Variants in ELFN1 observed in about 807,000 individuals in gnomAD.
ELFN1 encodes the protein extracellular leucine rich repeat and fibronectin type III domain containing 1, also known as protein ELFN1.
Under a neutral mutation model 7.6 loss-of-function variants are expected in ELFN1, and 6 were observed. The observed-to-expected ratio is 0.79, with a 90% CI of 0.43 to 1.56. The LOEUF (loss-of-function observed/expected upper bound fraction) is 1.56. ELFN1 is among the 40% of genes most tolerant of loss of function. The pLI is 0.01. For missense variants in ELFN1, 1,169 were observed against 1,232.2 expected (o/e 0.95, Z 0.77); for synonymous variants, 657 against 588.1 (o/e 1.12, Z -1.70).
chr7:1,724,613 G>A (rs888735130), intron 3 of ELFN1, among the ~76,000 whole-genome samples: 6 of 152,068 alleles, frequency 3.9e-5, no homozygotes, highest in East Asian at 3.9e-4. Flanking sequence ...ACCCCCACCC[G>A]GACCCCCTTT....
chr7:1,696,917 A>G (rs1779327106), intron 2 of ELFN1, among the ~76,000 whole-genome samples: 2 of 152,322 alleles, frequency 1.3e-5, no homozygotes, highest in South Asian at 2.1e-4. Context: ...AGGCATTAGG[A>G]AAACAACGAG....
chr7:1,727,555 C>T (rs1177973345), intron 3 of ELFN1, among the ~76,000 whole-genome samples: 2 of 152,134 alleles, frequency 1.3e-5, no homozygotes, highest in East Asian at 1.9e-4. Flanking sequence ...AGGGGCCTCC[C>T]TTCATTTCCT....
upstream of ELFN1, among the ~76,000 whole-genome samples, chr7:1,666,640 G>C (rs2128571127): frequency 6.6e-6 from 1 of 152,216 alleles, no homozygotes; most frequent in South Asian, 2.1e-4. This position sits in a 1 kb window ranked among gnomAD's most constrained non-coding sequence, Gnocchi z 7.9. Flanking sequence ...GCAGAAAGAG[G>C]GGGAGGGGGC....
intron 3 of ELFN1, among the ~76,000 whole-genome samples, chr7:1,712,371 C>T (rs1272406688): frequency 4.0e-5 from 6 of 151,726 alleles, no homozygotes; most frequent in South Asian, 2.1e-4. Flanking sequence ...CTGCCCGCCT[C>T]GGCCTCCCAA....
chr7:1,712,531 A>G (rs886423943), intron 3 of ELFN1, among the ~76,000 whole-genome samples: 7 of 150,648 alleles, frequency 4.6e-5, no homozygotes, highest in African/African-American at 1.7e-4. Flanking sequence ...TCCAATTTTC[A>G]AGTGATTCTC....
intron 1 of ELFN1, among the ~76,000 whole-genome samples, chr7:1,684,909 G>T (rs899048145): frequency 3.9e-5 from 6 of 152,048 alleles, no homozygotes; most frequent in Admixed American, 3.3e-4. Flanking sequence ...CATTTATAGA[G>T]CTTTTTATAT....
intron 3 of ELFN1, among the ~76,000 whole-genome samples, chr7:1,723,867 C>T (rs1249955912): frequency 2.0e-5 from 3 of 152,238 alleles, no homozygotes; most frequent in Admixed American, 6.5e-5. Context: ...CACCTGACGC[C>T]CCTGCCCTCA....
chr7:1,671,432 C>T (rs1778765319), intron 1 of ELFN1, among the ~76,000 whole-genome samples: 1 of 152,264 alleles, frequency 6.6e-6, no homozygotes, highest in Non-Finnish European at 1.5e-5. Context: ...CTCTTTGGAC[C>T]CTGGCTTGGG....
At position 1,746,210 on chromosome 7, in the gene ELFN1, C is replaced by A; in HGVS notation, c.1614C>A (p.Asp538Glu). The A allele has an allele frequency of 6.4e-7, 1 of 1,555,486 alleles. No homozygotes were observed. Among genetic ancestry groups the A allele is most frequent in the Non-Finnish European group, 8.7e-7 (1 of 1,150,928 alleles). ...VRTGDPPERRDCELGRPGPDS... is the reference protein window; with the variant it reads ...VRTGDPPERRECELGRPGPDS... The stretch of plus-strand genomic sequence containing the variant: ...CCGGGGACCCTCCGGAACGCAGGGA[C>A]TGTGAGCTGGGCCGGCCGGGCCCCG... Residue 538 changes from aspartate (D) to glutamate (E), a missense_variant, in exon 4 of 4, where the codon GAC becomes GAA. Asp to Glu is a conservative substitution (Grantham distance 45). Transcript: ENST00000424383.
chr7:1,744,503 C>A lies in ELFN1; in HGVS notation c.-94C>A, dbSNP rs960974191. ...CCCCTGAGAGTGCAGGCACCTCCCC[C>A]TCCCGCCCCTCCATCCCTCTGGGGG... On this transcript the variant is annotated 5_prime_UTR_variant, in exon 4 of 4. Coordinates refer to ENST00000424383, the MANE Select transcript of ELFN1 (RefSeq NM_001128636.4). 7 of 1,361,824 alleles carry A rather than the reference C, an allele frequency of 5.1e-6. No homozygotes were observed. The highest frequency in any genetic ancestry group is 1.5e-5 in the South Asian group (1 of 64,832). The allele number at this position is 1,361,824 out of a possible 1,614,324, so 84.4% of individuals were successfully genotyped here.
intron 2 of ELFN1, among the ~76,000 whole-genome samples, chr7:1,708,709 C>T (rs181285494): frequency 6.6e-6 from 1 of 151,204 alleles, no homozygotes; most frequent in East Asian, 1.9e-4. Context: ...GCCCCAGAGG[C>T]TCTGGGGCTG....
rs918603455 is a variant in ELFN1, at chr7:1,670,282, C to G, written c.-621C>G. 6.6e-6 allele frequency among the ~76,000 whole-genome samples: 1 copy of G among 151,740 alleles called. No homozygotes were observed. Among genetic ancestry groups the G allele is most frequent in the African/African-American group, 2.4e-5 (1 of 41,344 alleles). On this transcript the variant is annotated 5_prime_UTR_variant, in exon 1 of 4. Transcript: ENST00000424383. The surrounding 1 kb of genome is among the most constrained non-coding windows in gnomAD (Gnocchi z 6.4). ...CGAAGCTGGGGAGGAATTTCAATCCCGGGAGCGAAGTTAGAGCTTGAAGGA... is the reference window on the plus strand; with the variant it reads ...CGAAGCTGGGGAGGAATTTCAATCCGGGGAGCGAAGTTAGAGCTTGAAGGA...
At chr7:1,700,662 C>G (rs1196710473) in intron 2 of ELFN1, among the ~76,000 whole-genome samples, 1 of 152,172 alleles carries the variant, frequency 6.6e-6, no homozygotes, top group South Asian at 2.1e-4. Flanking sequence ...GAGGTTTACA[C>G]CCCAGAGAAC....
At position 1,673,298 on chromosome 7, in the gene ELFN1, G is replaced by T. The variant is rs546653993; in HGVS notation, c.-549+2944G>T. 6.6e-6 allele frequency among the ~76,000 whole-genome samples: 1 copy of T among 152,262 alleles called. No individual in the cohort carries two copies. Among genetic ancestry groups the T allele is most frequent in the Non-Finnish European group, 1.5e-5 (1 of 68,014 alleles). ...TGGGGCCGGAGAGGGTGGTGGAGGG[G>T]TCCTATGTCTGGCGTCTGTGTCCTG... is the stretch of plus-strand genomic sequence containing the variant. On this transcript the variant is annotated intron_variant, in intron 1 of 3. Coordinates refer to ENST00000424383, the MANE Select transcript of ELFN1 (RefSeq NM_001128636.4). The surrounding 1 kb of genome is among the most constrained non-coding windows in gnomAD (Gnocchi z 4.7).
intron 1 of ELFN1, among the ~76,000 whole-genome samples, chr7:1,675,101 G>A (rs914982314): frequency 4.3e-5 from 3 of 69,318 alleles, no homozygotes; most frequent in African/African-American, 3.5e-4. Context: ...AGCCCACGGC[G>A]TGGAGGTGAA....
At chr7:1,730,082 C>T (rs1241840895) in intron 3 of ELFN1, among the ~76,000 whole-genome samples, 5 of 152,254 alleles carry the variant, frequency 3.3e-5, no homozygotes, top group Non-Finnish European at 7.3e-5. Flanking sequence ...GCCTTCCAGG[C>T]GGTCATGAGC....
rs993435905 is a variant in ELFN1 at position 1,728,345 on chromosome 7, C to T, written c.-293-15959C>T. ...AAGGGGCAGCCTCTTTCAGACCAAC[C>T]GCATTCTGCGGCCTTTCAGCTGTAA... On this transcript the variant is annotated intron_variant, in intron 3 of 3. Coordinates refer to ENST00000424383, the MANE Select transcript of ELFN1 (RefSeq NM_001128636.4). Among the ~76,000 whole-genome samples the T allele has an allele frequency of 2.6e-5, 4 of 152,382 alleles. No individual in the cohort carries two copies. In the South Asian group the frequency reaches 8.3e-4, roughly 32 times the overall value.
In ELFN1 at chr7:1,746,193, C is replaced by T. The variant is rs1179124376; in HGVS notation, c.1597C>T (p.Pro533Ser). 1 of 1,551,342 alleles carries T rather than the reference C, an allele frequency of 6.4e-7. No homozygotes were observed. The highest frequency in any genetic ancestry group is 1.4e-5 in the African/African-American group (1 of 73,162). ...CTACATGGAGGTTCGAACCGGGGAC[C>T]CTCCGGAACGCAGGGACTGTGAGCT... ...GSYMEVRTGDPPERRDCELGR... is the reference protein window; with the variant it reads ...GSYMEVRTGDSPERRDCELGR... Residue 533 changes from proline to serine, a missense_variant, in exon 4 of 4, where the codon CCT (proline) becomes TCT (serine). Coordinates refer to ENST00000424383, the MANE Select transcript of ELFN1 (RefSeq NM_001128636.4).
At position 1,744,947 on chromosome 7, in the gene ELFN1, C is replaced by T; in HGVS notation, c.351C>T (p.Tyr117=). Residue 117 remains tyrosine, a synonymous_variant, in exon 4 of 4, where the codon TAC becomes TAT. Transcript: ENST00000424383. The part of the protein sequence containing the change: ...QFNLQVLQLG[Y]NRLRNLTEGM... ...ACCTGCAGGTGCTGCAGCTGGGCTA[C>T]AACCGGCTGCGCAACCTCACGGAGG... is the stretch of plus-strand genomic sequence containing the variant. 9 of 1,551,616 alleles carry T rather than the reference C, an allele frequency of 5.8e-6. No individual in the cohort carries two copies. The highest frequency in any genetic ancestry group is 7.8e-6 in the Non-Finnish European group (9 of 1,147,116).
Sources: allele counts gnomAD v4.1 joint callset (sites outside exome capture counted in the v4.1 genomes callset), GRCh38; gene constraint gnomAD v4.1.1; non-coding constraint Gnocchi (gnomAD v3.1); transcripts MANE v1.5; gene names NCBI Gene and HGNC (gene_info 2026-07-23, HGNC 2026-07-21).